The following ARIH2 variants were observed in gnomAD, a reference collection of about 807,000 sequenced individuals.
The protein encoded by ARIH2 is E3 ubiquitin-protein ligase ARIH2.
ARIH2 carries 12 observed loss-of-function variants against 79.8 expected under a neutral mutation model. That is an observed-to-expected ratio of 0.15 (90% confidence interval 0.10 to 0.24). ARIH2 has a LOEUF of 0.24. Ranked by LOEUF, ARIH2 falls within the 10% of genes least tolerant of loss-of-function variation. The probability of loss-of-function intolerance (pLI) is 1.00; values close to 1 mark genes in which losing one functional copy is unlikely to be tolerated. For missense variants in ARIH2, 301 were observed against 618.3 expected (o/e 0.49, Z 5.44); for synonymous variants, 224 against 213.9 (o/e 1.05, Z -0.41).
intron 3 of ARIH2, among the ~76,000 whole-genome samples, chr3:48,940,958 A>G (rs2088094438): frequency 6.6e-6 from 1 of 151,606 alleles, no homozygotes; most frequent in African/African-American, 2.4e-5. Flanking sequence ...TCACGAGGTC[A>G]GGAGATCAAG....
chr3:48,923,772 C>T (rs944185969), intron 2 of ARIH2, among the ~76,000 whole-genome samples: 5 of 152,212 alleles, frequency 3.3e-5, no homozygotes, highest in East Asian at 3.9e-4. Context: ...CCACCCGCCT[C>T]GGCCTCCCAA....
In ARIH2 at chr3:48,958,332, A is replaced by G. The variant is rs571818126; in HGVS notation, c.256-3280A>G. On this transcript the variant is annotated intron_variant, in intron 3 of 15. Coordinates refer to ENST00000356401, the MANE Select transcript of ARIH2 (RefSeq NM_006321.4). ...CAAGACCCTGTCTGTAAAAAACAGA[A>G]CAAAAAACTGTTGTGCTTATCAGTA... 2.0e-5 allele frequency among the ~76,000 whole-genome samples: 3 copies of G among 152,276 alleles called. No homozygotes were observed. In the South Asian group the frequency reaches 6.2e-4, roughly 32 times the overall value.
intron 8 of ARIH2, among the ~76,000 whole-genome samples, chr3:48,971,534 G>A (rs766568508): frequency 2.0e-5 from 3 of 152,148 alleles, no homozygotes; most frequent in Admixed American, 6.5e-5. Flanking sequence ...TGAGCCAACC[G>A]CGCCTAGCCA....
intron 3 of ARIH2, among the ~76,000 whole-genome samples, chr3:48,928,224 T>C (rs1212283044): frequency 6.6e-6 from 1 of 152,226 alleles, no homozygotes; most frequent in African/African-American, 2.4e-5. Context: ...CAGATCCCTC[T>C]GGTTTGCCCT....
rs751218573 is a variant in ARIH2 at position 48,980,409 on chromosome 3, C to T, written c.1170C>T (p.His390=). ...AGGCACAGACATACCAGCGGATTCA[C>T]GAGAAGATTCAGGAGAGGGTCATGA... The part of the protein sequence containing the change: ...QLEAQTYQRI[H]EKIQERVMNN... Residue 390 remains histidine (H), a synonymous_variant, in exon 13 of 16, where the codon CAC becomes CAT. Transcript: ENST00000356401. 5 of 1,613,966 alleles carry T rather than the reference C, an allele frequency of 3.1e-6. No homozygotes were observed. The highest frequency in any genetic ancestry group is 4.2e-6 in the Non-Finnish European group (5 of 1,180,028).
At chr3:48,983,010 A>G (rs2092805359) in intron 15 of ARIH2, 31 bp downstream of exon 15, 1 of 1,596,362 alleles carries the variant, frequency 6.3e-7, no homozygotes, top group East Asian at 2.2e-5. Flanking sequence ...TGGATTCTAT[A>G]TTGCAGGTAG....
In ARIH2 at chr3:48,969,697, C is replaced by G. The variant is rs572952105; in HGVS notation, c.661-898C>G. Among the ~76,000 whole-genome samples, 3 of 152,114 alleles carry G rather than the reference C, an allele frequency of 2.0e-5. No homozygotes were observed. In the South Asian group the frequency reaches 6.2e-4, roughly 32 times the overall value. On this transcript the variant is annotated intron_variant, in intron 7 of 15. Coordinates refer to ENST00000356401, the MANE Select transcript of ARIH2 (RefSeq NM_006321.4). ...AAGATGGGTGTTTCACCATCTTGCC[C>G]AGGCTGGTCTCGAACTTCTGAGCTC...
chr3:48,940,031 C>A (rs144790640), intron 3 of ARIH2, among the ~76,000 whole-genome samples: 3,097 of 152,022 alleles, frequency 0.02, 38 homozygotes, highest in Non-Finnish European at 0.031. Context: ...ATGGTGAAAC[C>A]CTGTCTCTAC....
At chr3:48,936,683 A>G (rs984839297) in intron 3 of ARIH2, among the ~76,000 whole-genome samples, 1 of 151,984 alleles carries the variant, frequency 6.6e-6, no homozygotes, top group Non-Finnish European at 1.5e-5. Flanking sequence ...CAGTGAGCCA[A>G]GATTGCACCA....
At chr3:48,966,668 A>G (rs2107580919) in intron 5 of ARIH2, among the ~76,000 whole-genome samples, 1 of 152,302 alleles carries the variant, frequency 6.6e-6, no homozygotes, top group South Asian at 2.1e-4. Context: ...CTGTTAGAAG[A>G]TTTATAAACT....
At position 48,961,686 on chromosome 3, in the gene ARIH2, T is replaced by G. The variant is rs745522148; in HGVS notation, c.323+7T>G. On this transcript the variant is annotated splice_region_variant and intron_variant, in intron 4 of 15. Transcript: ENST00000356401. ...TTTCAGAGATATTGGACAGGTAAGG[T>G]ATTTGGGGGAGGAGAGAGAACATTG... 2.7e-5 allele frequency: 43 copies of G among 1,595,422 alleles called. No homozygotes were observed. The highest frequency in any genetic ancestry group is 4.3e-6 in the Non-Finnish European group (5 of 1,163,306).
intron 14 of ARIH2, 68 bp from the exon 15 acceptor site, chr3:48,982,828 C>T (rs1471371294): frequency 3.4e-6 from 4 of 1,162,428 alleles, no homozygotes; most frequent in African/African-American, 1.5e-5. Flanking sequence ...ATGTGCCCAC[C>T]CCCGTGTACA....
chr3:48,930,828 T>G (rs1559725026), intron 3 of ARIH2, among the ~76,000 whole-genome samples: 1 of 152,214 alleles, frequency 6.6e-6, no homozygotes, highest in African/African-American at 2.4e-5. Flanking sequence ...AACATTTAAT[T>G]TTTTAATGTA....
intron 3 of ARIH2, among the ~76,000 whole-genome samples, chr3:48,937,039 C>T (rs1372196180): frequency 6.6e-6 from 1 of 151,806 alleles, no homozygotes; most frequent in East Asian, 1.9e-4. Flanking sequence ...AAAAAAAAAA[C>T]ATGAATGATT....
chr3:48,925,907 A>G (rs951310781), intron 2 of ARIH2, among the ~76,000 whole-genome samples: 1 of 151,962 alleles, frequency 6.6e-6, no homozygotes, highest in Admixed American at 6.6e-5. Context: ...TTTAGTAGAG[A>G]TGGGGTTTCA....
chr3:48,968,446 T>G, intron 6 of ARIH2, 88 bp from the exon 7 acceptor site: 1 of 1,336,808 alleles, frequency 7.5e-7, no homozygotes, highest in Non-Finnish European at 1.0e-6. Context: ...CGACCTCAGG[T>G]GATCTGCCTG....
intron 5 of ARIH2, 48 bp from the exon 6 acceptor site, chr3:48,967,077 T>G (rs2091850339): frequency 1.3e-6 from 2 of 1,599,368 alleles, no homozygotes; most frequent in Admixed American, 3.4e-5. Context: ...CCTTATGGCC[T>G]TCTGGACCTG....
Position 48,965,012 on chromosome 3 carries a change from T to A in ARIH2, c.387+30T>A, listed in dbSNP as rs549717591. On this transcript the variant is annotated intron_variant, in intron 5 of 15. Coordinates refer to ENST00000356401, the MANE Select transcript of ARIH2 (RefSeq NM_006321.4). ...GTGTCTATTACTTGAATGAGGCTTC[T>A]CCTAATTGCATGTGGTTCTTGCTTT... 3.5e-4 allele frequency: 559 copies of A among 1,599,026 alleles called. 3 individuals are homozygous for A. The African/African-American group carries it at 6.5e-3, about 19-fold the overall frequency.
In ARIH2 at chr3:48,918,950, ACCCGGTCTGGCTTGTTCGGG is replaced by A; in HGVS notation, c.-208_-189del. ...AATCCGGTCCCTCTGGCCCGGCCTG[ACCCGGTCTGGCTTGTTCGGG>A]CTCAGCGGCCGCGAGGCCGCAGCTC... is the stretch of plus-strand genomic sequence containing the variant. On this transcript the variant is annotated 5_prime_UTR_variant, in exon 1 of 16. Coordinates refer to ENST00000356401, the MANE Select transcript of ARIH2 (RefSeq NM_006321.4). 4 of 1,552,084 alleles carry A rather than the reference ACCCGGTCTGGCTTGTTCGGG, an allele frequency of 2.6e-6. No individual in the cohort carries two copies. Among genetic ancestry groups the A allele is most frequent in the Non-Finnish European group, 3.5e-6 (4 of 1,157,476 alleles).
Sources: gnomAD v4.1 joint callset for allele counts (sites outside exome capture counted in the v4.1 genomes callset) on GRCh38, gnomAD v4.1.1 for gene constraint, MANE v1.5 for transcripts, NCBI Gene and HGNC (gene_info 2026-07-23, HGNC 2026-07-21) for gene names.